Variants in TXNL4A observed in about 807,000 individuals in gnomAD.
TXNL4A encodes the protein thioredoxin like 4A.
A neutral mutation model predicts 14.6 loss-of-function variants in TXNL4A; 17 were observed. The observed-to-expected ratio is 1.16, with a 90% CI of 0.80 to 1.74. TXNL4A has a LOEUF of 1.74. Ranked by LOEUF, TXNL4A falls within the 40% of genes most tolerant of loss-of-function variation. TXNL4A has a pLI of 0.00. For synonymous variants in TXNL4A, 83 were observed against 70.6 expected (o/e 1.18, Z -0.88); for missense variants, 74 against 195.2 (o/e 0.38, Z 3.70).
At position 79,999,703 on chromosome 18, in the gene TXNL4A, T is replaced by G. The variant is rs565819746; in HGVS notation, c.-60-22002A>C. Among the ~76,000 whole-genome samples the G allele has an allele frequency of 2.0e-4, 31 of 152,216 alleles. 1 individual carries two copies. Among genetic ancestry groups the G allele is most frequent in the South Asian group, 1.9e-3 (9 of 4,826 alleles). ...CCAGCCCCAATCCAGAAAATGACCA[T>G]AAAACTCAAAACACTTAAAAACATA... On this transcript the variant is annotated intron_variant, in intron 1 of 2. Transcript: ENST00000585474.
intron 1 of TXNL4A, among the ~76,000 whole-genome samples, chr18:80,029,533 T>C (rs2051907851): frequency 6.6e-6 from 1 of 152,188 alleles, no homozygotes; most frequent in Non-Finnish European, 1.5e-5. Context: ...GAGTCCCAGG[T>C]GAACGTCACA....
At chr18:79,974,953 G>T (rs754227306) in intron 2 of TXNL4A, among the ~76,000 whole-genome samples, 1 of 152,102 alleles carries the variant, frequency 6.6e-6, no homozygotes, top group Non-Finnish European at 1.5e-5. Context: ...CTATTCCGTA[G>T]AAAGTATTCC....
intron 1 of TXNL4A, among the ~76,000 whole-genome samples, chr18:80,010,626 A>C (rs1421486821): frequency 6.6e-6 from 1 of 152,208 alleles, no homozygotes; most frequent in African/African-American, 2.4e-5. Context: ...TGTCTATACA[A>C]AGGACGAAGG....
rs1262198845 is a variant in TXNL4A at position 80,016,684 on chromosome 18, G to A, written c.-61+17167C>T. On this transcript the variant is annotated intron_variant, in intron 1 of 2. Transcript: ENST00000585474. Reference sequence around the variant, plus strand: ...GATCAGATAGTTGTAGATATGCAGCGTTATTTCTGAGGGCTCTGTTCTGTT... The same window carrying A: ...GATCAGATAGTTGTAGATATGCAGCATTATTTCTGAGGGCTCTGTTCTGTT... Among the ~76,000 whole-genome samples, 20 of 152,106 alleles carry A rather than the reference G, an allele frequency of 1.3e-4. No homozygotes were observed. In the East Asian group the frequency reaches 2.7e-3, roughly 21 times the overall value.
intron 1 of TXNL4A, among the ~76,000 whole-genome samples, chr18:80,013,806 T>A (rs76417940): frequency 6.4e-4 from 97 of 152,338 alleles, no homozygotes; most frequent in East Asian, 2.7e-3. Flanking sequence ...TGGGAAGGAC[T>A]GTATTAGTTC....
chr18:79,977,962 C>A, intron 1 of TXNL4A: 1 of 438,052 alleles, frequency 2.3e-6, no homozygotes, highest in Non-Finnish European at 4.1e-6. Context: ...AGCCATCACT[C>A]CTGGCCAACG....
intron 1 of TXNL4A, among the ~76,000 whole-genome samples, chr18:79,995,832 G>T (rs1312667033): frequency 1.3e-5 from 2 of 152,182 alleles, no homozygotes; most frequent in African/African-American, 4.8e-5. Flanking sequence ...GCCGGGCGCG[G>T]TGGCTCACGC....
At chr18:80,005,595 A>G (rs573071194) in intron 1 of TXNL4A, among the ~76,000 whole-genome samples, 1 of 152,214 alleles carries the variant, frequency 6.6e-6, no homozygotes, top group South Asian at 2.1e-4. Flanking sequence ...AGGGCTTCTC[A>G]GTGTTATTTG....
chr18:80,031,491 T>C (rs750451878), intron 1 of TXNL4A, among the ~76,000 whole-genome samples: 2 of 152,222 alleles, frequency 1.3e-5, no homozygotes, highest in African/African-American at 2.4e-5. Context: ...AGCAAACCTT[T>C]TTCATTTACA....
intron 1 of TXNL4A, chr18:79,979,498 G>C (rs1863408264): frequency 6.6e-6 from 1 of 152,274 alleles, no homozygotes; most frequent in African/African-American, 2.4e-5. Context: ...AGTGAGCTGA[G>C]GTTGTTCCAA....
chr18:80,014,191 A>G (rs1013068705), intron 1 of TXNL4A, among the ~76,000 whole-genome samples: 5 of 152,076 alleles, frequency 3.3e-5, no homozygotes, highest in African/African-American at 1.2e-4. Context: ...TCCAAATCTC[A>G]TATCCTCACA....
At chr18:80,013,029 C>T (rs570734883) in intron 1 of TXNL4A, among the ~76,000 whole-genome samples, 95 of 148,292 alleles carry the variant, frequency 6.4e-4, no homozygotes, top group African/African-American at 2.2e-3. Context: ...TCCCTCGCTG[C>T]GATCTGTTGA....
intron 1 of TXNL4A, among the ~76,000 whole-genome samples, chr18:79,987,708 A>G (rs1460844861): frequency 6.6e-6 from 1 of 152,172 alleles, no homozygotes; most frequent in Non-Finnish European, 1.5e-5. Context: ...GCATATTTCT[A>G]TTTTCTCCTG....
upstream of TXNL4A, among the ~76,000 whole-genome samples, chr18:79,992,431 A>G (rs1166412715): frequency 6.6e-6 from 1 of 152,202 alleles, no homozygotes; most frequent in African/African-American, 2.4e-5. Flanking sequence ...TGGTGAGACA[A>G]GGTGGTGGTT....
chr18:79,994,121 T>G (rs1331301165), intron 1 of TXNL4A, among the ~76,000 whole-genome samples: 1 of 152,122 alleles, frequency 6.6e-6, no homozygotes. Flanking sequence ...CTTTAGAAAC[T>G]CCGGCCAGGT....
chr18:80,004,748 C>A (rs1453391755), intron 1 of TXNL4A, among the ~76,000 whole-genome samples: 1 of 152,156 alleles, frequency 6.6e-6, no homozygotes, highest in Non-Finnish European at 1.5e-5. Context: ...AGAAAACAAG[C>A]CTTGAGCAGA....
rs2145089976 is a variant in TXNL4A, at chr18:79,988,379, A to G, written c.14T>C (p.Leu5Pro). The G allele has an allele frequency of 6.6e-7, 1 of 1,520,840 alleles. No individual in the cohort carries two copies. 94.2% of individuals were successfully genotyped at this position (1,520,840 alleles called of 1,614,324 possible). MSYM[L>P]PHLHNGWQVD... ...CTGCCAGCCGTTGTGCAGGTGCGGGAGCATGTACGACATGGCGGCCCGCGC... is the reference window on the plus strand; with the variant it reads ...CTGCCAGCCGTTGTGCAGGTGCGGGGGCATGTACGACATGGCGGCCCGCGC... Residue 5 changes from leucine (L) to proline (P), a missense_variant, in exon 1 of 3, where the codon CTC becomes CCC. By Grantham distance (98) the Leu-to-Pro change is moderately conservative. Coordinates refer to ENST00000269601, the MANE Select transcript of TXNL4A (RefSeq NM_006701.5).
At chr18:79,974,110 G>A (rs527672576) in intron 2 of TXNL4A, among the ~76,000 whole-genome samples, 52 of 152,176 alleles carry the variant, frequency 3.4e-4, no homozygotes, top group African/African-American at 1.1e-3. Context: ...TATTCTAAGG[G>A]GAAATTAAAA....
chr18:80,017,514 CTTA>C (rs1357757935), intron 1 of TXNL4A, among the ~76,000 whole-genome samples: 1 of 151,554 alleles, frequency 6.6e-6, no homozygotes, highest in Non-Finnish European at 1.5e-5. Flanking sequence ...ATAGATAGCT[CTTA>C]TTATTTTGAG....
Sources: allele counts gnomAD v4.1 joint callset (sites outside exome capture counted in the v4.1 genomes callset), GRCh38; gene constraint gnomAD v4.1.1; transcripts MANE v1.5; gene names NCBI Gene and HGNC (gene_info 2026-07-23, HGNC 2026-07-21).